FHIP2A: variants seen among roughly 807,000 people sequenced by gnomAD.
FHIP2A encodes family with sequence similarity 160 member B1.
FHIP2A carries 46 observed loss-of-function variants against 93.5 expected under a neutral mutation model. That is an observed-to-expected ratio of 0.49 (90% confidence interval 0.39 to 0.63). FHIP2A has a LOEUF of 0.63. Ranked by LOEUF, FHIP2A falls within the 20% of genes least tolerant of loss-of-function variation. FHIP2A has a pLI of 0.00. For synonymous variants in FHIP2A, 332 were observed against 326.5 expected (o/e 1.02, Z -0.18); for missense variants, 769 against 909.7 (o/e 0.85, Z 1.99).
intron 13 of FHIP2A, among the ~76,000 whole-genome samples, chr10:114,853,525 T>C (rs993613393): frequency 2.0e-5 from 3 of 152,190 alleles, no homozygotes; most frequent in East Asian, 1.9e-4. Context: ...AAGTAAAATA[T>C]ATCTTTTGGC....
chr10:114,891,656 G>A (rs570067849), intron 16 of FHIP2A, among the ~76,000 whole-genome samples: 36 of 149,318 alleles, frequency 2.4e-4, no homozygotes, highest in Non-Finnish European at 3.7e-4. Flanking sequence ...TTGATCTGTC[G>A]CCCAGGTTGG....
At position 114,863,119 on chromosome 10, in the gene FHIP2A, G is replaced by A; in HGVS notation, c.*1579G>A. ...AAAAAGACTAAACCTCTAATTTCAT[G>A]CAAATCTTTGTTAGCTTATTCTAAG... On this transcript the variant is annotated 3_prime_UTR_variant, in exon 17 of 17. Transcript: ENST00000369248. 2.0e-6 allele frequency: 2 copies of A among 980,756 alleles called. No homozygotes were observed. The highest frequency in any genetic ancestry group is 2.4e-6 in the Non-Finnish European group (2 of 825,716). The allele number at this position is 980,756 out of a possible 1,614,324, so 60.8% of individuals were successfully genotyped here.
intron 1 of FHIP2A, among the ~76,000 whole-genome samples, chr10:114,829,288 G>A (rs960119867): frequency 1.1e-4 from 16 of 150,936 alleles, no homozygotes; most frequent in African/African-American, 3.9e-4. Context: ...GGCCTTGAGG[G>A]TTCCTCCCCT....
At chr10:114,831,337 TC>T (rs2083606748) in intron 2 of FHIP2A, among the ~76,000 whole-genome samples, 1 of 152,154 alleles carries the variant, frequency 6.6e-6, no homozygotes, top group African/African-American at 2.4e-5. Flanking sequence ...AGAGAAAACC[TC>T]ATTGCCCAAT....
chr10:114,875,679 G>A (rs551853767), intron 16 of FHIP2A, among the ~76,000 whole-genome samples: 2 of 151,032 alleles, frequency 1.3e-5, no homozygotes, highest in Non-Finnish European at 2.9e-5. Flanking sequence ...TGGCAATTGA[G>A]CGAGACTCTG....
chr10:114,886,175 T>G (rs899926127), intron 16 of FHIP2A, among the ~76,000 whole-genome samples: 2 of 152,200 alleles, frequency 1.3e-5, no homozygotes, highest in Admixed American at 1.3e-4. Flanking sequence ...TATAGATTAT[T>G]TATGTTCAGA....
intron 12 of FHIP2A, among the ~76,000 whole-genome samples, chr10:114,847,637 T>C (rs1408989816): frequency 2.6e-5 from 4 of 152,188 alleles, no homozygotes; most frequent in Non-Finnish European, 1.5e-5. Context: ...TGTCAGTTTT[T>C]TGGTCTTGCT....
rs1296107902 is a variant in FHIP2A, at chr10:114,822,045, G to A, written c.-34G>A. The A allele has an allele frequency of 3.2e-6, 4 of 1,262,640 alleles. No individual in the cohort carries two copies. Among genetic ancestry groups the A allele is most frequent in the Admixed American group, 6.7e-5 (2 of 29,866 alleles). 78.2% of individuals were successfully genotyped at this position (1,262,640 alleles called of 1,614,324 possible). On this transcript the variant is annotated 5_prime_UTR_variant, in exon 1 of 17. Transcript: ENST00000369248. Reference sequence around the variant, plus strand: ...GGCGGATCGAGGAGCTCTCCAGGTCGTCCCGGGAGAGGCTGCTGCAGTCCC... The same window carrying A: ...GGCGGATCGAGGAGCTCTCCAGGTCATCCCGGGAGAGGCTGCTGCAGTCCC...
At chr10:114,876,002 A>C (rs986145437) in intron 16 of FHIP2A, among the ~76,000 whole-genome samples, 8 of 148,546 alleles carry the variant, frequency 5.4e-5, no homozygotes, top group Non-Finnish European at 8.8e-5. Flanking sequence ...AAGAAAAAGA[A>C]AGAGAAAGAA....
chr10:114,845,205 G>T (rs893195751), intron 7 of FHIP2A, among the ~76,000 whole-genome samples, 162 bp from the exon 8 acceptor site: 4 of 152,094 alleles, frequency 2.6e-5, no homozygotes, highest in African/African-American at 9.7e-5. Flanking sequence ...CTTATCTTTG[G>T]TTTCTTTTAC....
chr10:114,877,791 C>T (rs1350466158), intron 16 of FHIP2A, among the ~76,000 whole-genome samples: 1 of 152,186 alleles, frequency 6.6e-6, no homozygotes, highest in Non-Finnish European at 1.5e-5. Flanking sequence ...AGAATTTCTG[C>T]ATGAAGTCAT....
chr10:114,858,091 C>G (rs1028349725), intron 14 of FHIP2A, among the ~76,000 whole-genome samples: 12 of 152,114 alleles, frequency 7.9e-5, no homozygotes, highest in Admixed American at 2.0e-4. Context: ...AAACATGGGC[C>G]AAGTCCATTT....
intron 16 of FHIP2A, among the ~76,000 whole-genome samples, chr10:114,874,278 A>G (rs1592030333): frequency 6.6e-6 from 1 of 152,274 alleles, no homozygotes; most frequent in Middle Eastern, 3.4e-3. Context: ...TTTTTTCCCA[A>G]AGGAATCACA....
At chr10:114,832,334 T>C (rs1592014154) in intron 2 of FHIP2A, among the ~76,000 whole-genome samples, 1 of 152,298 alleles carries the variant, frequency 6.6e-6, no homozygotes, top group East Asian at 1.9e-4. Context: ...ATGAGAGATG[T>C]CAGTAATTTT....
At chr10:114,893,128 A>G (rs2083983896) in intron 16 of FHIP2A, among the ~76,000 whole-genome samples, 1 of 152,202 alleles carries the variant, frequency 6.6e-6, no homozygotes, top group South Asian at 2.1e-4. Context: ...AATCTTTCCT[A>G]ACAAAATAAC....
intron 16 of FHIP2A, among the ~76,000 whole-genome samples, chr10:114,895,970 T>C (rs1246493536): frequency 6.6e-6 from 1 of 152,176 alleles, no homozygotes; most frequent in African/African-American, 2.4e-5. Flanking sequence ...CACCCTTTAT[T>C]GCCTGCTTTG....
At position 114,891,537 on chromosome 10, in the gene FHIP2A, A is replaced by ATGTGTGTGTGTG. The variant is rs34032569; in HGVS notation, c.2193-7928_2193-7917dup. ...GCCACAAGGGTGAATATATATATAT[A>ATGTGTGTGTGTG]TGTGTGTGTGTGTGTGTGTGTGTGT... On this transcript the variant is annotated intron_variant, in intron 16 of 16. Transcript: ENST00000369250. 1.5e-3 allele frequency among the ~76,000 whole-genome samples: 199 copies of ATGTGTGTGTGTG among 137,198 alleles called. 1 individual carries two copies. The highest frequency in any genetic ancestry group is 5.4e-3 in the African/African-American group (190 of 35,296). 90.0% of individuals were successfully genotyped at this position (137,198 alleles called of 152,430 possible). A position where few individuals can be genotyped will look rare whatever the true frequency, so the allele number is the denominator to read the frequency against.
At position 114,864,027 on chromosome 10, in the gene FHIP2A, C is replaced by T. The variant is rs2083815708; in HGVS notation, c.*2487C>T. ...TCACCTTATAACTATGTAACTTTCT[C>T]GTAATGTATCTGTTTGTGCAATATG... On this transcript the variant is annotated 3_prime_UTR_variant, in exon 17 of 17. Transcript: ENST00000369248. 2.0e-6 allele frequency: 2 copies of T among 995,376 alleles called. No individual in the cohort carries two copies. Among genetic ancestry groups the T allele is most frequent in the Non-Finnish European group, 2.4e-6 (2 of 836,234 alleles). 61.7% of individuals were successfully genotyped at this position (995,376 alleles called of 1,614,324 possible).
chr10:114,838,053 GGTAA>G (rs565421017), intron 5 of FHIP2A, among the ~76,000 whole-genome samples: 507 of 152,284 alleles, frequency 3.3e-3, no homozygotes, highest in Non-Finnish European at 5.4e-3. Context: ...CAGATCATAT[GGTAA>G]GTGTGTATTT....
Sources: allele counts gnomAD v4.1 joint callset (sites outside exome capture counted in the v4.1 genomes callset), GRCh38; gene constraint gnomAD v4.1.1; transcripts MANE v1.5; gene names NCBI Gene and HGNC (gene_info 2026-07-23, HGNC 2026-07-21).